The following FSTL5 variants were observed in gnomAD, a reference collection of about 807,000 sequenced individuals.
FSTL5 encodes the protein follistatin like 5.
FSTL5 carries 62 observed loss-of-function variants against 89.1 expected under a neutral mutation model. That is an observed-to-expected ratio of 0.70 (90% CI 0.57 to 0.86). The LOEUF is 0.86. FSTL5 is among the 40% of genes least tolerant of loss of function. The pLI is 0.00. For synonymous variants in FSTL5, 383 were observed against 346.2 expected (o/e 1.11, Z -1.18); for missense variants, 1,057 against 1,001.6 (o/e 1.06, Z -0.75).
chr4:161,506,513 GT>G (rs1730488247), intron 11 of FSTL5, among the ~76,000 whole-genome samples: 1 of 152,020 alleles, frequency 6.6e-6, no homozygotes, highest in East Asian at 1.9e-4. Flanking sequence ...TAAGATTTTG[GT>G]TGAACCCATC....
chr4:161,514,231 A>G (rs529178411), intron 10 of FSTL5, among the ~76,000 whole-genome samples: 97 of 152,080 alleles, frequency 6.4e-4, no homozygotes, highest in African/African-American at 2.2e-3. Context: ...AGTATTACAC[A>G]CACACACACA....
chr4:161,734,113 C>T (rs752415853), intron 6 of FSTL5, among the ~76,000 whole-genome samples: 1 of 151,976 alleles, frequency 6.6e-6, no homozygotes, highest in Non-Finnish European at 1.5e-5. Context: ...GTAAATAACG[C>T]TAATACAAAA....
intron 7 of FSTL5, among the ~76,000 whole-genome samples, chr4:161,597,387 C>A (rs1413106430): frequency 2.0e-5 from 3 of 149,236 alleles, no homozygotes; most frequent in Non-Finnish European, 4.4e-5. Flanking sequence ...GGACAAAAAA[C>A]CAAACACCGC....
chr4:161,511,019 G>T (rs559463611), intron 10 of FSTL5, among the ~76,000 whole-genome samples: 1 of 151,928 alleles, frequency 6.6e-6, no homozygotes, highest in East Asian at 1.9e-4. Context: ...TTGAACCACA[G>T]GTTTTAAAAA....
At position 161,775,890 on chromosome 4, in the gene FSTL5, A is replaced by C; in HGVS notation, c.594T>G (p.Asn198Lys). 2 of 1,539,214 alleles carry C rather than the reference A, an allele frequency of 1.3e-6. No homozygotes were observed. The highest frequency in any genetic ancestry group is 4.7e-5 in the East Asian group (2 of 42,532). Residue 198 changes from asparagine (N) to lysine (K), a missense_variant, in exon 5 of 16, where the codon AAT (asparagine) becomes AAG (lysine). This residue lies in a region of FSTL5 where 980 missense variants were observed against 903.2 expected (regional missense o/e 1.08). Coordinates refer to ENST00000306100, the MANE Select transcript of FSTL5 (RefSeq NM_020116.5). ...TCACTAATCATACCTGAGTTAGTTC[A>C]TTAATATCTACAAGTCCATTACTGT... ...DADSNGLVDI[N>K]ELTQVIKQEE...
intron 15 of FSTL5, among the ~76,000 whole-genome samples, chr4:161,441,321 T>G (rs4691761): frequency 0.39 from 59,059 of 150,080 alleles, 13,163 homozygotes; most frequent in East Asian, 0.65. Context: ...CTTCTTGAGC[T>G]TTATAAATTA....
chr4:161,476,183 T>TTTTG (rs1553990024), intron 13 of FSTL5, among the ~76,000 whole-genome samples: 5 of 105,774 alleles, frequency 4.7e-5, no homozygotes, highest in African/African-American at 1.1e-4. Flanking sequence ...GTTTTTTTTT[T>TTTTG]TTTTTGTTTG....
chr4:162,084,431 T>C (rs1730225800), intron 2 of FSTL5, among the ~76,000 whole-genome samples: 1 of 151,966 alleles, frequency 6.6e-6, no homozygotes, highest in Non-Finnish European at 1.5e-5. Context: ...CAAATATCAG[T>C]ATAAAACTAC....
chr4:161,793,178 T>C (rs760801731), intron 4 of FSTL5, among the ~76,000 whole-genome samples: 8 of 152,210 alleles, frequency 5.3e-5, no homozygotes, highest in Non-Finnish European at 1.2e-4. Flanking sequence ...AAGCAGCCAA[T>C]GTGCCTGACT....
chr4:161,826,043 C>T (rs1171770340), intron 4 of FSTL5, among the ~76,000 whole-genome samples: 4 of 152,032 alleles, frequency 2.6e-5, no homozygotes, highest in African/African-American at 9.7e-5. Flanking sequence ...CTTAGCACTA[C>T]CTTTGCTATA....
intron 4 of FSTL5, among the ~76,000 whole-genome samples, chr4:161,778,488 C>G (rs1434625): frequency 6.6e-6 from 1 of 152,010 alleles, no homozygotes; most frequent in Non-Finnish European, 1.5e-5. Flanking sequence ...AAAACAATAT[C>G]TGAATCTCAT....
At chr4:161,880,470 T>A (rs1732592278) in intron 4 of FSTL5, among the ~76,000 whole-genome samples, 1 of 152,092 alleles carries the variant, frequency 6.6e-6, no homozygotes, top group Non-Finnish European at 1.5e-5. Flanking sequence ...GGAAAACAGT[T>A]TGGCAGTTCC....
At chr4:161,764,878 C>A (rs1403004509) in intron 5 of FSTL5, among the ~76,000 whole-genome samples, 1 of 152,044 alleles carries the variant, frequency 6.6e-6, no homozygotes, top group African/African-American at 2.4e-5. Context: ...ACTATAGTTA[C>A]CTTGTGTTTG....
chr4:161,840,205 C>A (rs1405702605), intron 4 of FSTL5, among the ~76,000 whole-genome samples: 1 of 151,642 alleles, frequency 6.6e-6, no homozygotes, highest in African/African-American at 2.4e-5. Flanking sequence ...CATGTACTCT[C>A]GGGAGCACAA....
At chr4:162,028,204 T>C (rs1219003611) in intron 3 of FSTL5, among the ~76,000 whole-genome samples, 1 of 152,164 alleles carries the variant, frequency 6.6e-6, no homozygotes, top group African/African-American at 2.4e-5. Flanking sequence ...AATACTTAAT[T>C]TTCATAAATC....
chr4:161,648,361 C>T (rs955720467), intron 7 of FSTL5, among the ~76,000 whole-genome samples: 3 of 152,172 alleles, frequency 2.0e-5, no homozygotes, highest in African/African-American at 7.2e-5. Context: ...CATCTATATG[C>T]TCCTGTAGAG....
At chr4:161,504,050 C>A (rs1448787564) in intron 11 of FSTL5, among the ~76,000 whole-genome samples, 1 of 151,862 alleles carries the variant, frequency 6.6e-6, no homozygotes, top group African/African-American at 2.4e-5. Context: ...CCAGCATCTT[C>A]TATTAAGCCT....
At chr4:161,405,548 A>T (rs1731345165) in intron 15 of FSTL5, among the ~76,000 whole-genome samples, 2 of 152,130 alleles carry the variant, frequency 1.3e-5, no homozygotes, top group Admixed American at 1.3e-4. Flanking sequence ...AGGCTAAAAG[A>T]CCTATGAAAC....
At chr4:161,980,665 A>G (rs1243128868) in intron 3 of FSTL5, among the ~76,000 whole-genome samples, 1 of 152,022 alleles carries the variant, frequency 6.6e-6, no homozygotes, top group East Asian at 1.9e-4. Flanking sequence ...TTGATGTAAA[A>G]ATTCATCTAC....
Sources: gnomAD v4.1 joint callset for allele counts (sites outside exome capture counted in the v4.1 genomes callset) on GRCh38, gnomAD v4.1.1 for gene constraint, gnomAD v4.1.1 regional missense constraint, MANE v1.5 for transcripts, NCBI Gene and HGNC (gene_info 2026-07-23, HGNC 2026-07-21) for gene names.